The following C4orf50 variants were observed in gnomAD, a reference collection of about 807,000 sequenced individuals.
The protein encoded by C4orf50 is chromosome 4 open reading frame 50.
Under a neutral mutation model 77.2 loss-of-function variants are expected in C4orf50, and 80 were observed. The ratio of observed to expected loss-of-function variants is 1.04; its 90% confidence interval spans 0.87 to 1.25. The LOEUF is 1.25. C4orf50 is among the 50% of genes most tolerant of loss of function. The pLI is 0.00. For missense variants in C4orf50, 1,257 were observed against 1,152.9 expected, an observed-to-expected ratio of 1.09 and a Z score of -1.31; for synonymous variants, 532 against 465.3, an observed-to-expected ratio of 1.14 and a Z score of -1.84.
At chr4:5,998,795 C>T (rs528219102) in intron 25 of C4orf50, among the ~76,000 whole-genome samples, 1 of 152,350 alleles carries the variant, frequency 6.6e-6, no homozygotes, top group Non-Finnish European at 1.5e-5. Flanking sequence ...GCTCACTGCA[C>T]CTGGGACATG....
At chr4:5,983,376 A>C (rs1209882021) in intron 28 of C4orf50, among the ~76,000 whole-genome samples, 2 of 152,162 alleles carry the variant, frequency 1.3e-5, no homozygotes, top group Non-Finnish European at 2.9e-5. Flanking sequence ...TTCCTTGCCC[A>C]TTGGAATCCA....
In C4orf50 at chr4:6,008,367, G is replaced by C; in HGVS notation, c.592C>G (p.Leu198Val). The C allele has an allele frequency of 2.5e-6, 1 of 392,370 alleles. No individual in the cohort carries two copies. The highest frequency in any genetic ancestry group is 4.5e-6 in the Non-Finnish European group (1 of 222,122). The allele number at this position is 392,370 out of a possible 1,614,324, so 24.3% of individuals were successfully genotyped here. A position where few individuals can be genotyped will look rare whatever the true frequency, so the allele number is the denominator to read the frequency against. ...TCCAGCCGCTGCACCTGCTCCCGCA[G>C]GACGCGCTCCTGCTCCCGCACCAGG... Residue 198 changes from leucine (L) to valine (V), a missense_variant, in exon 25 of 34, where the codon CTG (leucine) becomes GTG (valine). Transcript: ENST00000531445. This position sits in a 1 kb window ranked among gnomAD's most constrained non-coding sequence, Gnocchi z 6.0.
chr4:5,987,557 A>C (rs1258682122), intron 28 of C4orf50, among the ~76,000 whole-genome samples: 1 of 151,644 alleles, frequency 6.6e-6, no homozygotes, highest in East Asian at 1.9e-4. Flanking sequence ...GGGAGGAAAG[A>C]GAGAAAGGAA....
At chr4:5,953,720 C>T (rs528574831), downstream of C4orf50, among the ~76,000 whole-genome samples, 1 of 152,240 alleles carries the variant, frequency 6.6e-6, no homozygotes, top group South Asian at 2.1e-4. Flanking sequence ...GCTGGGGGGC[C>T]TGGGGGACTC....
chr4:5,956,026 C>T (rs544929611), downstream of C4orf50, among the ~76,000 whole-genome samples: 3 of 152,194 alleles, frequency 2.0e-5, no homozygotes, highest in Admixed American at 6.5e-5. Flanking sequence ...AGGATTTCCT[C>T]TTAGCAATTT....
At chr4:5,898,400 T>G (rs753762218) in intron 7 of C4orf50, 1 of 152,230 alleles carries the variant, frequency 6.6e-6, no homozygotes, top group African/African-American at 2.4e-5. Context: ...TCCACTGACA[T>G]GCTGAGTGCT....
intron 28 of C4orf50, 93 bp from the exon 7 acceptor site, chr4:5,980,431 G>GT (rs58696068): frequency 0.091 from 80,405 of 881,018 alleles, 131 homozygotes; most frequent in East Asian, 0.1. Context: ...CCACTCCGTA[G>GT]TTTTTTTTTT....
At chr4:5,929,724 A>T (rs1453297387) in intron 7 of C4orf50, among the ~76,000 whole-genome samples, 1 of 152,260 alleles carries the variant, frequency 6.6e-6, no homozygotes, top group Non-Finnish European at 1.5e-5. Context: ...CGCTAGCCCT[A>T]AAAGGCACTT....
At chr4:5,904,690 T>C (rs2152480170) in intron 7 of C4orf50, 1 of 152,324 alleles carries the variant, frequency 6.6e-6, no homozygotes, top group African/African-American at 2.4e-5. Context: ...TCTACCAATC[T>C]TATTTGCAAA....
At chr4:5,933,251 G>A (rs75709509) in intron 7 of C4orf50, among the ~76,000 whole-genome samples, 1 of 152,170 alleles carries the variant, frequency 6.6e-6, no homozygotes, top group Non-Finnish European at 1.5e-5. Context: ...TTGAATATTA[G>A]CTTCATGGAA....
chr4:5,924,949 G>T (rs1283177067), intron 7 of C4orf50, among the ~76,000 whole-genome samples: 1 of 152,156 alleles, frequency 6.6e-6, no homozygotes, highest in Admixed American at 6.5e-5. Context: ...GCACTTGGGT[G>T]GCAGGTGTGC....
At position 5,905,909 on chromosome 4, in the gene C4orf50, C is replaced by T. The variant is rs568745380; in HGVS notation, c.*2475-7721G>A. Among the ~76,000 whole-genome samples, 459 of 111,726 alleles carry T rather than the reference C, an allele frequency of 4.1e-3. 5 individuals are homozygous for T. Among genetic ancestry groups the T allele is most frequent in the African/African-American group, 0.018 (431 of 23,422 alleles). 73.3% of individuals were successfully genotyped at this position (111,726 alleles called of 152,430 possible). ...TGTGTGGTAATCTCTATGCTAAGCA[C>T]GGGGGCAGGGGGGCGGGGGGCAGAG... On this transcript the variant is annotated intron_variant, in intron 7 of 7. Coordinates refer to the C4orf50 transcript ENST00000324058. This position sits in a 1 kb window ranked among gnomAD's most constrained non-coding sequence, Gnocchi z 5.4.
chr4:5,975,150 A>C (rs1344414237), intron 30 of C4orf50, among the ~76,000 whole-genome samples: 9 of 56,758 alleles, frequency 1.6e-4, no homozygotes, highest in African/African-American at 6.6e-4. Flanking sequence ...AAAAAAAAAA[A>C]AAAAAAAAAA....
chr4:5,933,661 CAGG>C (rs779378939), intron 7 of C4orf50, among the ~76,000 whole-genome samples: 2 of 152,210 alleles, frequency 1.3e-5, no homozygotes, highest in Non-Finnish European at 2.9e-5. Flanking sequence ...GCGTACTCAG[CAGG>C]AGTTGTTTTG....
exon 28 of C4orf50, chr4:5,988,539 G>C (rs545219144): frequency 6.5e-7 from 1 of 1,537,310 alleles, no homozygotes; most frequent in Non-Finnish European, 8.7e-7. Context: ...TGGAATTCCC[G>C]GTGCCTGTGG....
chr4:5,944,691 C>T (rs1468747145), intron 7 of C4orf50, among the ~76,000 whole-genome samples: 1 of 152,006 alleles, frequency 6.6e-6, no homozygotes, highest in Non-Finnish European at 1.5e-5. Flanking sequence ...CAGATGCACC[C>T]ACGCCCTTAA....
intron 29 of C4orf50, 39 bp downstream of exon 7, chr4:5,980,135 C>T: frequency 6.5e-7 from 1 of 1,528,406 alleles, no homozygotes; most frequent in East Asian, 2.3e-5. Flanking sequence ...GGTGTGGGAG[C>T]CCTGGCTGAC....
chr4:5,990,157 C>T, exon 28 of C4orf50: 1 of 1,256,962 alleles, frequency 8.0e-7, no homozygotes, highest in Non-Finnish European at 1.0e-6. Context: ...TGAGGCCTCC[C>T]CCTGTAGAAG....
Position 6,004,315 on chromosome 4 carries a change from G to GGTGA in C4orf50, c.963+3680_963+3681insTCAC, listed in dbSNP as rs774914346. Among the ~76,000 whole-genome samples, 9 of 22,126 alleles carry GGTGA rather than the reference G, an allele frequency of 4.1e-4. 1 individual carries two copies. The highest frequency in any genetic ancestry group is 5.7e-3 in the East Asian group (1 of 174). The allele number at this position is 22,126 out of a possible 152,430, so 14.5% of individuals were successfully genotyped here. A position where few individuals can be genotyped will look rare whatever the true frequency, so the allele number is the denominator to read the frequency against. ...TGATGATGGTGATGGTGGTGATGATGTGATCGTAATGGTGATGATGGTGAT... is the reference window on the plus strand; with the variant it reads ...TGATGATGGTGATGGTGGTGATGATGGTGATGATCGTAATGGTGATGATGGTGAT... On this transcript the variant is annotated intron_variant, in intron 25 of 33. Coordinates refer to ENST00000531445, the Ensembl canonical transcript of C4orf50.
Sources: allele counts gnomAD v4.1 joint callset (sites outside exome capture counted in the v4.1 genomes callset), GRCh38; gene constraint gnomAD v4.1.1; non-coding constraint Gnocchi (gnomAD v3.1); transcripts MANE v1.5; gene names NCBI Gene and HGNC (gene_info 2026-07-23, HGNC 2026-07-21).